DNAH3: variants seen among roughly 807,000 people sequenced by gnomAD.
DNAH3 encodes the protein axonemal beta dynein heavy chain 3.
Under a neutral mutation model 432.5 loss-of-function variants are expected in DNAH3, and 332 were observed. The observed-to-expected ratio is 0.77, with a 90% confidence interval of 0.70 to 0.84. DNAH3 has a LOEUF of 0.84. Among genes scored for constraint, DNAH3 ranks in the 40% least tolerant of loss-of-function variants. The pLI, the probability that DNAH3 is intolerant of heterozygous loss-of-function variation, is 0.00. For missense variants in DNAH3, 4,861 were observed against 5,114.0 expected, an observed-to-expected ratio of 0.95 and a Z score of 1.51; for synonymous variants, 1,956 against 1,900.2, an observed-to-expected ratio of 1.03 and a Z score of -0.76.
chr16:21,001,421 T>C (rs1256366912), intron 42 of DNAH3, among the ~76,000 whole-genome samples: 2 of 152,130 alleles, frequency 1.3e-5, no homozygotes, highest in Non-Finnish European at 2.9e-5. Flanking sequence ...CTACAGAGAG[T>C]ACCATTCACA....
intron 44 of DNAH3, 33 bp downstream of exon 44, chr16:20,997,250 G>A: frequency 2.5e-6 from 4 of 1,604,078 alleles, no homozygotes; most frequent in African/African-American, 1.3e-5. Flanking sequence ...TGGGGATGGA[G>A]GGAAAGAGGA....
chr16:20,988,992 TC>T (rs1355825336), intron 44 of DNAH3, among the ~76,000 whole-genome samples: 3 of 152,206 alleles, frequency 2.0e-5, no homozygotes, highest in African/African-American at 7.2e-5. Flanking sequence ...TTGCAGACTT[TC>T]GCGGGGAGTG....
exon 48 of DNAH3, chr16:20,985,455 G>A: frequency 6.2e-7 from 1 of 1,614,220 alleles, no homozygotes; most frequent in Non-Finnish European, 8.5e-7. Context: ...CCAGGAGCAG[G>A]TGGCCTTTGT....
At chr16:20,977,045 C>T (rs1186414080) in intron 50 of DNAH3, among the ~76,000 whole-genome samples, 1 of 152,148 alleles carries the variant, frequency 6.6e-6, no homozygotes, top group East Asian at 1.9e-4. Flanking sequence ...AGGGAGCGCA[C>T]CACCTCTCAT....
exon 15 of DNAH3, chr16:21,106,650 G>T: frequency 5.0e-6 from 8 of 1,600,202 alleles, no homozygotes; most frequent in Non-Finnish European, 6.8e-6. Flanking sequence ...CTTTGTCTGC[G>T]ATGTGGCTGT....
intron 12 of DNAH3, among the ~76,000 whole-genome samples, chr16:21,115,580 G>A (rs1460161705): frequency 6.6e-6 from 1 of 151,754 alleles, no homozygotes; most frequent in Non-Finnish European, 1.5e-5. Context: ...GGTGGCACAT[G>A]CCTGTAGTCC....
intron 18 of DNAH3, among the ~76,000 whole-genome samples, chr16:21,095,256 C>G (rs943282115): frequency 2.6e-5 from 4 of 152,164 alleles, no homozygotes; most frequent in African/African-American, 9.7e-5. Context: ...GACACAAAAA[C>G]GTTGACATAA....
chr16:21,060,501 C>T (rs1016771882), intron 25 of DNAH3, 145 bp from the exon 26 acceptor site: 4 of 579,840 alleles, frequency 6.9e-6, no homozygotes, highest in South Asian at 2.5e-5. Flanking sequence ...CTCTGTCTCC[C>T]CGTTCTTTTT....
At chr16:21,158,772 G>GA in intron 1 of DNAH3, 1 of 154,820 alleles carries the variant, frequency 6.5e-6, no homozygotes, top group Non-Finnish European at 1.4e-5. Context: ...TTGGGGGTGG[G>GA]GGTCCGGGTG....
chr16:20,965,241 G>A (rs369101432), exon 53 of DNAH3: 38 of 1,612,936 alleles, frequency 2.4e-5, no homozygotes, highest in Non-Finnish European at 2.9e-5. Flanking sequence ...ACAGACCCTC[G>A]CAGGCCGACG....
intron 51 of DNAH3, among the ~76,000 whole-genome samples, chr16:20,973,686 T>C (rs2085447737): frequency 6.6e-6 from 1 of 152,250 alleles, no homozygotes; most frequent in Non-Finnish European, 1.5e-5. Flanking sequence ...TACGTGAACG[T>C]AGGTCAAGCC....
At chr16:20,973,963 C>T (rs2085460480) in intron 51 of DNAH3, among the ~76,000 whole-genome samples, 1 of 152,102 alleles carries the variant, frequency 6.6e-6, no homozygotes, top group Non-Finnish European at 1.5e-5. Context: ...ACCAACATGG[C>T]CAGAGTACAG....
chr16:20,965,394 G>C (rs373526156), exon 53 of DNAH3: 7 of 1,531,096 alleles, frequency 4.6e-6, no homozygotes, highest in African/African-American at 1.4e-5. Flanking sequence ...GAATCTTTTT[G>C]GATACCCCCC....
chr16:20,950,219 T>A (rs536534012), intron 56 of DNAH3, among the ~76,000 whole-genome samples: 1 of 152,316 alleles, frequency 6.6e-6, no homozygotes, highest in East Asian at 1.9e-4. Flanking sequence ...GTGTGTCATT[T>A]GGGGCTTTGT....
chr16:21,140,333 A>G, intron 5 of DNAH3: 1 of 491,868 alleles, frequency 2.0e-6, no homozygotes, highest in African/African-American at 1.9e-5. Context: ...GGCAGAGAAC[A>G]TGTACACACA....
At chr16:21,053,704 G>A (rs1415229460) in intron 28 of DNAH3, among the ~76,000 whole-genome samples, 2 of 152,158 alleles carry the variant, frequency 1.3e-5, no homozygotes, top group Admixed American at 6.5e-5. Context: ...AATGCCAGGA[G>A]GGAGCTGGGA....
chr16:20,971,418 G>T (rs1477097317), intron 51 of DNAH3, among the ~76,000 whole-genome samples: 1 of 152,072 alleles, frequency 6.6e-6, no homozygotes, highest in Non-Finnish European at 1.5e-5. Context: ...AACTTCTCCT[G>T]GGCAGGAGGG....
chr16:20,965,187 C>T (rs1455550842), exon 53 of DNAH3: 3 of 1,613,972 alleles, frequency 1.9e-6, no homozygotes, highest in Non-Finnish European at 2.5e-6. Context: ...GAGCCACCAC[C>T]TTGGCCACGC....
At chr16:20,956,628 C>G (rs1280943687) in intron 54 of DNAH3, among the ~76,000 whole-genome samples, 1 of 152,112 alleles carries the variant, frequency 6.6e-6, no homozygotes, top group Non-Finnish European at 1.5e-5. Flanking sequence ...TCATTAATGG[C>G]CAATGAATTC....
Sources: allele counts gnomAD v4.1 joint callset (sites outside exome capture counted in the v4.1 genomes callset), GRCh38; gene constraint gnomAD v4.1.1; transcripts MANE v1.5; gene names NCBI Gene and HGNC (gene_info 2026-07-23, HGNC 2026-07-21).